The following STXBP4 variants were observed in gnomAD, a reference collection of about 807,000 sequenced individuals.
STXBP4 encodes syntaxin binding protein 4.
In STXBP4, 55 loss-of-function variants were observed where a neutral mutation model predicts 76.1. The ratio of observed to expected loss-of-function variants is 0.72; its 90% CI spans 0.58 to 0.91. STXBP4 has a LOEUF of 0.91. Among genes scored for constraint, STXBP4 ranks in the 40% least tolerant of loss-of-function variants. STXBP4 has a pLI of 0.00. For missense variants in STXBP4, 618 were observed against 636.9 expected, an observed-to-expected ratio of 0.97 and a Z score of 0.32; for synonymous variants, 201 against 220.2, an observed-to-expected ratio of 0.91 and a Z score of 0.77.
At chr17:55,121,882 G>A (rs2079847450) in intron 16 of STXBP4, among the ~76,000 whole-genome samples, 1 of 151,978 alleles carries the variant, frequency 6.6e-6, no homozygotes, top group Non-Finnish European at 1.5e-5. Context: ...CTATAGCACT[G>A]GGGGCTTTTT....
intron 13 of STXBP4, 31 bp from the exon 14 acceptor site, chr17:55,078,047 T>G: frequency 7.1e-7 from 1 of 1,405,640 alleles, no homozygotes; most frequent in Non-Finnish European, 9.8e-7. Context: ...TGAAGAAATG[T>G]GTAAATGCTC....
chr17:55,069,813 A>T (rs1012307084), intron 12 of STXBP4, among the ~76,000 whole-genome samples: 3 of 152,196 alleles, frequency 2.0e-5, no homozygotes, highest in African/African-American at 7.2e-5. Context: ...CATTCTTTGA[A>T]CAAAAATAAA....
chr17:55,074,407 G>C (rs2079156276), intron 13 of STXBP4, among the ~76,000 whole-genome samples: 1 of 152,208 alleles, frequency 6.6e-6, no homozygotes, highest in South Asian at 2.1e-4. Context: ...TTACATATTT[G>C]TTATTTGTGA....
chr17:55,107,969 C>A (rs950061063), intron 16 of STXBP4, among the ~76,000 whole-genome samples: 1 of 152,232 alleles, frequency 6.6e-6, no homozygotes, highest in African/African-American at 2.4e-5. Context: ...CCGCTGCGCT[C>A]TTCAGAGCCA....
At chr17:55,028,050 A>T (rs2078445358) in intron 8 of STXBP4, among the ~76,000 whole-genome samples, 1 of 152,196 alleles carries the variant, frequency 6.6e-6, no homozygotes, top group African/African-American at 2.4e-5. Context: ...TTTTGGTTAC[A>T]TTCAAAAACT....
intron 7 of STXBP4, among the ~76,000 whole-genome samples, chr17:55,005,692 A>G (rs1325231978): frequency 1.3e-5 from 2 of 152,180 alleles, no homozygotes; most frequent in African/African-American, 4.8e-5. Context: ...ATTCAAGCCC[A>G]GGTTTAGTCT....
At chr17:55,117,132 A>T (rs907353943) in intron 16 of STXBP4, among the ~76,000 whole-genome samples, 1 of 151,780 alleles carries the variant, frequency 6.6e-6, no homozygotes, top group African/African-American at 2.4e-5. Context: ...TGTAATCTTG[A>T]AATTCTTGGT....
intron 16 of STXBP4, among the ~76,000 whole-genome samples, chr17:55,093,481 A>C (rs2079444146): frequency 6.6e-6 from 1 of 152,204 alleles, no homozygotes; most frequent in South Asian, 2.1e-4. Context: ...TTTGTAAAAC[A>C]GCCCTGTTCT....
chr17:55,010,950 A>G (rs1188080485), intron 8 of STXBP4, among the ~76,000 whole-genome samples: 1 of 152,200 alleles, frequency 6.6e-6, no homozygotes, highest in Non-Finnish European at 1.5e-5. Flanking sequence ...AATTATTGGA[A>G]CCAACTTTTT....
intron 1 of STXBP4, among the ~76,000 whole-genome samples, chr17:54,973,140 A>G (rs8077711): frequency 0.01 from 1,590 of 152,324 alleles, 26 homozygotes; most frequent in African/African-American, 0.035. Context: ...CCCTTTTCCC[A>G]AGCTCAGCGC....
At chr17:55,176,243 C>T (rs938675342), downstream of STXBP4, among the ~76,000 whole-genome samples, 1 of 152,120 alleles carries the variant, frequency 6.6e-6, no homozygotes, top group African/African-American at 2.4e-5. Context: ...GTGTGACAGA[C>T]GCACATAGTG....
chr17:54,998,466 C>G (rs1014367992), intron 4 of STXBP4, among the ~76,000 whole-genome samples: 4 of 152,186 alleles, frequency 2.6e-5, no homozygotes, highest in African/African-American at 9.7e-5. Context: ...TCTAACATAT[C>G]TAACAACCAC....
intron 17 of STXBP4, among the ~76,000 whole-genome samples, chr17:55,150,500 A>T: frequency 6.6e-6 from 1 of 152,178 alleles, no homozygotes; most frequent in East Asian, 1.9e-4. Flanking sequence ...GGGTTTGGAG[A>T]TTCAACATAT....
chr17:55,204,841 CACAA>C, the STXBP4 span, among the ~76,000 whole-genome samples: 1 of 30,156 alleles, frequency 3.3e-5, no homozygotes, highest in Admixed American at 3.4e-4. Flanking sequence ...CACACACACA[CACAA>C]ACACACATAC....
At chr17:55,123,198 T>C (rs919868544) in intron 16 of STXBP4, among the ~76,000 whole-genome samples, 1 of 152,148 alleles carries the variant, frequency 6.6e-6, no homozygotes, top group Non-Finnish European at 1.5e-5. Context: ...CATATCAGGA[T>C]CCCTAAACAT....
rs924542210 is a variant in STXBP4 at position 55,169,902 on chromosome 17, T to A, written c.*9991T>A. Reference sequence around the variant, plus strand: ...CTTTAAGGCTGTGGACAATGCAAACTCCCTCATGTACCTTGCTCCTTGCCA... The same window carrying A: ...CTTTAAGGCTGTGGACAATGCAAACACCCTCATGTACCTTGCTCCTTGCCA... On this transcript the variant is annotated 3_prime_UTR_variant, in exon 18 of 18. Transcript: ENST00000376352. 1.3e-5 allele frequency: 2 copies of A among 152,200 alleles called. No homozygotes were observed. Among genetic ancestry groups the A allele is most frequent in the African/African-American group, 4.8e-5 (2 of 41,446 alleles). The allele number at this position is 152,200 out of a possible 1,614,324, so 9.4% of individuals were successfully genotyped here.
At chr17:55,043,362 A>G (rs769347802) in intron 11 of STXBP4, 37 bp downstream of exon 11, 3 of 1,226,386 alleles carry the variant, frequency 2.4e-6, no homozygotes, top group South Asian at 3.7e-5. Context: ...TTTTCTTCAG[A>G]AAAAAAAGAA....
chr17:55,008,462 G>A (rs1029029872), intron 8 of STXBP4, among the ~76,000 whole-genome samples: 5 of 151,928 alleles, frequency 3.3e-5, no homozygotes, highest in Non-Finnish European at 7.4e-5. Context: ...CTCACCCATC[G>A]GTAGATTCAT....
At position 55,161,685 on chromosome 17, in the gene STXBP4, G is replaced by A. The variant is rs1300962502; in HGVS notation, c.*1774G>A. ...TTCTGTCAAATACCTAGTGAAAAAGGCCTAAACAATTGTAATGATATTATT... is the reference window on the plus strand; with the variant it reads ...TTCTGTCAAATACCTAGTGAAAAAGACCTAAACAATTGTAATGATATTATT... On this transcript the variant is annotated 3_prime_UTR_variant, in exon 18 of 18. Transcript: ENST00000376352. 6.6e-6 allele frequency: 1 copy of A among 152,154 alleles called. No homozygotes were observed. The highest frequency in any genetic ancestry group is 1.5e-5 in the Non-Finnish European group (1 of 68,032). The allele number at this position is 152,154 out of a possible 1,614,324, so 9.4% of individuals were successfully genotyped here.
Sources: gnomAD v4.1 joint callset for allele counts (sites outside exome capture counted in the v4.1 genomes callset) on GRCh38, gnomAD v4.1.1 for gene constraint, MANE v1.5 for transcripts, NCBI Gene and HGNC (gene_info 2026-07-23, HGNC 2026-07-21) for gene names.